The following CACNA1C variants were observed in gnomAD, a reference collection of about 807,000 sequenced individuals.
CACNA1C encodes calcium voltage-gated channel subunit alpha1 C.
Under a neutral mutation model 229.0 loss-of-function variants are expected in CACNA1C, and 30 were observed. The ratio of observed to expected loss-of-function variants is 0.13; its 90% CI spans 0.10 to 0.18. The LOEUF is 0.18. Among genes scored for constraint, CACNA1C ranks in the 10% least tolerant of loss-of-function variants. CACNA1C has a pLI of 1.00. For synonymous variants in CACNA1C, 1,114 were observed against 1,132.5 expected, an observed-to-expected ratio of 0.98 and a Z score of 0.33; for missense variants, 1,658 against 2,845.0, an observed-to-expected ratio of 0.58 and a Z score of 9.49.
intron 18 of CACNA1C, among the ~76,000 whole-genome samples, 154 bp from the exon 19 acceptor site, chr12:2,593,059 A>T (rs1056772305): frequency 5.3e-5 from 8 of 152,182 alleles, no homozygotes; most frequent in Non-Finnish European, 1.0e-4. Context: ...GATGAGCTGC[A>T]GCAGCACCCA....
Position 2,601,818 on chromosome 12 carries a change from C to A in CACNA1C, c.2854-36C>A. ...AGGGGTCTCTGGGCTAGGGCTAGGG[C>A]CACTCACACTGGTGTTCCTTTGTCC... On this transcript the variant is annotated intron_variant, in intron 21 of 46. Coordinates refer to ENST00000399655, the MANE Select transcript of CACNA1C (RefSeq NM_000719.7). The surrounding 1 kb of genome is among the most constrained non-coding windows in gnomAD (Gnocchi z 5.9). 7.2e-7 allele frequency: 1 copy of A among 1,387,420 alleles called. No homozygotes were observed. The highest frequency in any genetic ancestry group is 1.0e-6 in the Non-Finnish European group (1 of 973,378). 85.9% of individuals were successfully genotyped at this position (1,387,420 alleles called of 1,614,324 possible).
intron 3 of CACNA1C, among the ~76,000 whole-genome samples, chr12:2,212,579 G>T (rs1304152260): frequency 2.0e-5 from 3 of 152,166 alleles, no homozygotes; most frequent in African/African-American, 7.2e-5. Flanking sequence ...TCCTTAGAAT[G>T]CAGAGCTTAT....
intron 7 of CACNA1C, among the ~76,000 whole-genome samples, chr12:2,497,320 G>A (rs538470148): frequency 2.0e-5 from 3 of 152,306 alleles, no homozygotes; most frequent in Admixed American, 6.5e-5. Context: ...TGCTGACTTT[G>A]TGTTCAGCAC....
chr12:2,609,228 G>A (rs2076566032), intron 27 of CACNA1C, among the ~76,000 whole-genome samples: 1 of 152,168 alleles, frequency 6.6e-6, no homozygotes. Context: ...GACAGGTTCT[G>A]TTAGCCGTGA....
chr12:2,269,415 T>C (rs375517833), intron 3 of CACNA1C, among the ~76,000 whole-genome samples: 38 of 152,310 alleles, frequency 2.5e-4, no homozygotes, highest in African/African-American at 8.9e-4. Context: ...AAGGAAGGTT[T>C]AGGGTGGAGG....
intron 1 of CACNA1C, among the ~76,000 whole-genome samples, chr12:2,058,254 G>A (rs2056033484): frequency 6.6e-6 from 1 of 152,202 alleles, no homozygotes; most frequent in South Asian, 2.1e-4. Context: ...TGATACAGCA[G>A]CTGTTTGTTC....
chr12:2,122,205 A>G (rs2239134), intron 3 of CACNA1C, among the ~76,000 whole-genome samples: 108,427 of 151,600 alleles, frequency 0.72, 38,882 homozygotes, highest in African/African-American at 0.73. Flanking sequence ...TTTTTATCAC[A>G]TCACAGAGTG....
At chr12:2,360,515 C>T (rs868421637) in intron 3 of CACNA1C, among the ~76,000 whole-genome samples, 2 of 152,218 alleles carry the variant, frequency 1.3e-5, no homozygotes, top group Admixed American at 6.5e-5. Context: ...TGGACTTCAC[C>T]AGCAGTCACT....
intron 38 of CACNA1C, among the ~76,000 whole-genome samples, chr12:2,670,945 G>A (rs1366423493): frequency 3.3e-5 from 5 of 149,786 alleles, no homozygotes; most frequent in African/African-American, 1.2e-4. Context: ...TATACCATCA[G>A]TAGCCAATGC....
At chr12:1,977,135 T>C (rs2034637481) in intron 1 of CACNA1C, among the ~76,000 whole-genome samples, 1 of 152,208 alleles carries the variant, frequency 6.6e-6, no homozygotes, top group Admixed American at 6.5e-5. Flanking sequence ...CTAAACTGAT[T>C]GCAAGGTTAA....
intron 30 of CACNA1C, among the ~76,000 whole-genome samples, chr12:2,642,546 G>A (rs113786757): frequency 1.1e-4 from 17 of 152,290 alleles, no homozygotes; most frequent in Admixed American, 3.3e-4. Flanking sequence ...AGGGTGCCTC[G>A]AGAAGCATGG....
chr12:2,344,986 GAT>G (rs2096968978), intron 3 of CACNA1C, among the ~76,000 whole-genome samples: 1 of 150,470 alleles, frequency 6.6e-6, no homozygotes, highest in Admixed American at 6.7e-5. Flanking sequence ...TGTGGACGTT[GAT>G]TCCAGCTTTT....
upstream of CACNA1C, chr12:2,048,268 C>A (rs570582162): frequency 1.3e-5 from 2 of 152,270 alleles, no homozygotes; most frequent in South Asian, 2.1e-4. Context: ...ATGTTCCCAT[C>A]GCTGGCCTTT....
chr12:2,240,559 G>A (rs556738815), intron 3 of CACNA1C, among the ~76,000 whole-genome samples: 19 of 152,208 alleles, frequency 1.2e-4, no homozygotes, highest in Non-Finnish European at 2.2e-4. Flanking sequence ...CCACAAGCTG[G>A]CTGGAAGGAC....
At chr12:2,186,380 A>C (rs1306422846) in intron 3 of CACNA1C, among the ~76,000 whole-genome samples, 1 of 152,138 alleles carries the variant, frequency 6.6e-6, no homozygotes, top group Non-Finnish European at 1.5e-5. Context: ...CCACCTCTGC[A>C]TCCTCCTAGG....
chr12:1,978,378 G>C (rs543384764), intron 1 of CACNA1C, among the ~76,000 whole-genome samples: 1 of 152,200 alleles, frequency 6.6e-6, no homozygotes, highest in Non-Finnish European at 1.5e-5. Flanking sequence ...TAAAGAGTTA[G>C]TGTAATATTC....
intron 3 of CACNA1C, among the ~76,000 whole-genome samples, chr12:2,266,647 A>G (rs1275012884): frequency 6.6e-6 from 1 of 152,232 alleles, no homozygotes; most frequent in Non-Finnish European, 1.5e-5. Context: ...CCTTGGACTT[A>G]GTTTCCCTAG....
chr12:2,099,108 G>T (rs532940713), intron 1 of CACNA1C, among the ~76,000 whole-genome samples: 1 of 152,234 alleles, frequency 6.6e-6, no homozygotes, highest in Admixed American at 6.5e-5. Context: ...TCTCGCTGCC[G>T]CTCACTCTGG....
Position 2,365,478 on chromosome 12 carries a change from C to T in CACNA1C, c.478-83498C>T, listed in dbSNP as rs116450939. On this transcript the variant is annotated intron_variant, in intron 3 of 46. Transcript: ENST00000399655. ...TAATAATTGTTAGGCCAACACTGGC[C>T]CAAAAATGCAGATTAACAGATTGAT... Among the ~76,000 whole-genome samples, 950 of 152,142 alleles carry T rather than the reference C, an allele frequency of 6.2e-3. 6 individuals are homozygous for T. The highest frequency in any genetic ancestry group is 0.022 in the African/African-American group (906 of 41,484).
Sources: allele counts gnomAD v4.1 joint callset (sites outside exome capture counted in the v4.1 genomes callset), GRCh38; gene constraint gnomAD v4.1.1; non-coding constraint Gnocchi (gnomAD v3.1); transcripts MANE v1.5; gene names NCBI Gene and HGNC (gene_info 2026-07-23, HGNC 2026-07-21).